Variants in ZNF141 observed in about 807,000 individuals in gnomAD.
ZNF141 encodes the protein zinc finger protein 141 (clone pHZ-44).
ZNF141 carries 7 observed loss-of-function variants against 11.3 expected under a neutral mutation model. That is an observed-to-expected ratio of 0.62 (90% CI 0.35 to 1.16). The LOEUF is 1.16. Ranked by LOEUF, ZNF141 falls within the 50% of genes most tolerant of loss-of-function variation. ZNF141 has a pLI of 0.02. For missense variants in ZNF141, 535 were observed against 554.0 expected (o/e 0.97, Z 0.34); for synonymous variants, 183 against 190.7 (o/e 0.96, Z 0.33).
At position 382,984 on chromosome 4, in the gene ZNF141, C is replaced by G. The variant is rs1183111239; in HGVS notation, c.*9122C>G. On this transcript the variant is annotated 3_prime_UTR_variant, in exon 4 of 4. Transcript: ENST00000240499. ...TTTTATAGTCGTTCCTATCAAGAGA[C>G]AGATTCTGTTTCCCAAACCTTGAAC... is the stretch of plus-strand genomic sequence containing the variant. The G allele has an allele frequency of 3.8e-6, 2 of 519,806 alleles. No individual in the cohort carries two copies. The highest frequency in any genetic ancestry group is 6.8e-6 in the Non-Finnish European group (2 of 294,404). 32.2% of individuals were successfully genotyped at this position (519,806 alleles called of 1,614,324 possible). A position where few individuals can be genotyped will look rare whatever the true frequency, so the allele number is the denominator to read the frequency against.
At chr4:346,414 G>A (rs1553849509) in intron 3 of ZNF141, among the ~76,000 whole-genome samples, 2 of 152,146 alleles carry the variant, frequency 1.3e-5, no homozygotes, top group African/African-American at 4.8e-5. Context: ...ATATAGTCAA[G>A]TTCATGAAGA....
chr4:367,223 G>A (rs887291979), intron 3 of ZNF141, among the ~76,000 whole-genome samples: 8 of 152,112 alleles, frequency 5.3e-5, no homozygotes, highest in Admixed American at 4.6e-4. Context: ...TAAGACTGGA[G>A]CACAAGTGAA....
At chr4:341,263 A>G (rs542408370) in intron 1 of ZNF141, among the ~76,000 whole-genome samples, 39 of 152,000 alleles carry the variant, frequency 2.6e-4, no homozygotes, top group African/African-American at 8.7e-4. Flanking sequence ...GGGTTTCACC[A>G]TATTGGCCAG....
intron 3 of ZNF141, chr4:358,637 G>C (rs1007799791): frequency 6.5e-6 from 1 of 153,890 alleles, no homozygotes; most frequent in African/African-American, 2.4e-5. Context: ...GAGTTCAGTG[G>C]TTCAGTCTCG....
At chr4:370,204 AAT>A (rs1711987527) in intron 3 of ZNF141, among the ~76,000 whole-genome samples, 1 of 152,224 alleles carries the variant, frequency 6.6e-6, no homozygotes, top group African/African-American at 2.4e-5. Flanking sequence ...GATTATGATG[AAT>A]AGTTTATAAT....
At chr4:358,087 G>C in intron 3 of ZNF141, 1 of 290,048 alleles carries the variant, frequency 3.4e-6, no homozygotes, top group South Asian at 2.8e-5. Flanking sequence ...TTTTTTTCCT[G>C]TAGAACTGAG....
Position 383,798 on chromosome 4 carries a change from C to T in ZNF141, c.*9936C>T, listed in dbSNP as rs1712770454. 1 of 152,352 alleles carries T rather than the reference C, an allele frequency of 6.6e-6. No individual in the cohort carries two copies. Among genetic ancestry groups the T allele is most frequent in the East Asian group, 1.9e-4 (1 of 5,196 alleles). The allele number at this position is 152,352 out of a possible 1,614,324, so 9.4% of individuals were successfully genotyped here. ...GCATAGGGTACCAATTCGCCTCAAC[C>T]TTTGATTAGCCAAGGACCAAATCCT... On this transcript the variant is annotated 3_prime_UTR_variant, in exon 4 of 4. Transcript: ENST00000240499.
chr4:373,994 C>T lies in ZNF141; in HGVS notation c.*132C>T, dbSNP rs1334222227. The T allele has an allele frequency of 6.3e-6, 5 of 796,156 alleles. No individual in the cohort carries two copies. Among genetic ancestry groups the T allele is most frequent in the Non-Finnish European group, 8.3e-6 (4 of 483,658 alleles). The allele number at this position is 796,156 out of a possible 1,614,324, so 49.3% of individuals were successfully genotyped here. On this transcript the variant is annotated 3_prime_UTR_variant, in exon 4 of 4. Coordinates refer to ENST00000240499, the MANE Select transcript of ZNF141 (RefSeq NM_003441.4). ...ACGTGGCAAAGTTCTTTACCTCATTCTCAAACCTTGATAAACATAAGAGAA... is the reference window on the plus strand; with the variant it reads ...ACGTGGCAAAGTTCTTTACCTCATTTTCAAACCTTGATAAACATAAGAGAA...
chr4:358,059 C>A, intron 3 of ZNF141: 1 of 274,914 alleles, frequency 3.6e-6, no homozygotes, highest in Non-Finnish European at 7.0e-6. Flanking sequence ...AAATGACTTA[C>A]TTTTAAGTTT....
chr4:344,770 G>C (rs2108685334), intron 3 of ZNF141, among the ~76,000 whole-genome samples: 1 of 152,246 alleles, frequency 6.6e-6, no homozygotes, highest in South Asian at 2.1e-4. Flanking sequence ...CTCCAGCCTG[G>C]TGACAGAGTT....
At chr4:343,068 T>C in intron 1 of ZNF141, 1 of 341,068 alleles carries the variant, frequency 2.9e-6, no homozygotes, top group Non-Finnish European at 4.8e-6. Flanking sequence ...TAAAAAAGTA[T>C]TTAAAAAGTT....
chr4:379,454 A>G lies in ZNF141; in HGVS notation c.*5592A>G, dbSNP rs782466642. 1.3e-5 allele frequency among the ~76,000 whole-genome samples: 2 copies of G among 152,278 alleles called. No individual in the cohort carries two copies. The highest frequency in any genetic ancestry group is 2.1e-4 in the South Asian group (1 of 4,826). ...CAGTGGTGCGATCTCAGCTCACTGC[A>G]ACCTCCGCCTCTCAGGTTCAGGCGA... On this transcript the variant is annotated 3_prime_UTR_variant, in exon 4 of 4. Transcript: ENST00000240499.
chr4:361,548 C>A (rs545924128), intron 3 of ZNF141, among the ~76,000 whole-genome samples: 4 of 152,036 alleles, frequency 2.6e-5, no homozygotes, highest in Non-Finnish European at 5.9e-5. Flanking sequence ...CCACGACAGG[C>A]CCCGGTGTGT....
rs1553853415 is a variant in ZNF141, at chr4:370,443, C to G, written c.227-2221C>G. Reference sequence around the variant, plus strand: ...AATATACTTTTCAGCATTTGGTTATCTTGAAAGGCCTTTACTTTTTCTTCA... The same window carrying G: ...AATATACTTTTCAGCATTTGGTTATGTTGAAAGGCCTTTACTTTTTCTTCA... On this transcript the variant is annotated intron_variant, in intron 3 of 3. Coordinates refer to ENST00000240499, the MANE Select transcript of ZNF141 (RefSeq NM_003441.4). Among the ~76,000 whole-genome samples the G allele has an allele frequency of 2.0e-5, 3 of 151,816 alleles. No homozygotes were observed. In the East Asian group the frequency reaches 5.8e-4, roughly 29 times the overall value.
Position 373,807 on chromosome 4 carries a change from A to G in ZNF141, c.1370A>G (p.Asp457Gly). The G allele has an allele frequency of 6.2e-7, 1 of 1,613,956 alleles. No homozygotes were observed. Among genetic ancestry groups the G allele is most frequent in the African/African-American group, 1.3e-5 (1 of 75,056 alleles). Residue 457 changes from aspartate (D) to glycine (G), a missense_variant, in exon 4 of 4, where the codon GAC becomes GGC. By Grantham distance (94) the Asp-to-Gly change is moderately conservative (BLOSUM62 -1). Coordinates refer to ENST00000240499, the MANE Select transcript of ZNF141 (RefSeq NM_003441.4). ...AAACCCTACAAATGTAAAGATTGTG[A>G]CAAAGCCTTTAAACGGTTCTCACAC... ...VDKPYKCKDC[D>G]KAFKRFSHLN...
chr4:379,928 CTG>C lies in ZNF141; in HGVS notation c.*6070_*6071del, dbSNP rs1451308771. On this transcript the variant is annotated 3_prime_UTR_variant, in exon 4 of 4. Transcript: ENST00000240499. ...TTGGGATAAGAGCTCATAACATTGA[CTG>C]TGTTAGCATTTTCCAAAAATACATT... Among the ~76,000 whole-genome samples the C allele has an allele frequency of 1.3e-5, 2 of 152,214 alleles. No individual in the cohort carries two copies. Among genetic ancestry groups the C allele is most frequent in the African/African-American group, 2.4e-5 (1 of 41,460 alleles).
At chr4:356,471 G>T (rs1438060540) in intron 3 of ZNF141, among the ~76,000 whole-genome samples, 1 of 151,682 alleles carries the variant, frequency 6.6e-6, no homozygotes, top group South Asian at 2.1e-4. Context: ...GACTACAGGC[G>T]CGTGCCACCA....
rs1712594248 is a variant in ZNF141, at chr4:381,111, C to A, written c.*7249C>A. Among the ~76,000 whole-genome samples the A allele has an allele frequency of 6.6e-6, 1 of 152,112 alleles. No individual in the cohort carries two copies. Among genetic ancestry groups the A allele is most frequent in the South Asian group, 2.1e-4 (1 of 4,834 alleles). Reference sequence around the variant, plus strand: ...TAATGTAATTAAATATTATTTACTACAAACTCACATAGTACATTATGACTT... The same window carrying A: ...TAATGTAATTAAATATTATTTACTAAAAACTCACATAGTACATTATGACTT... On this transcript the variant is annotated 3_prime_UTR_variant, in exon 4 of 4. Transcript: ENST00000240499.
chr4:369,374 T>C (rs373588502), intron 3 of ZNF141, among the ~76,000 whole-genome samples: 2 of 152,178 alleles, frequency 1.3e-5, no homozygotes, highest in Admixed American at 6.6e-5. Flanking sequence ...TTTGGTTATT[T>C]CCATGAAATG....
Sources: allele counts gnomAD v4.1 joint callset (sites outside exome capture counted in the v4.1 genomes callset), GRCh38; gene constraint gnomAD v4.1.1; transcripts MANE v1.5; gene names NCBI Gene and HGNC (gene_info 2026-07-23, HGNC 2026-07-21).